ST6GALNAC1: variants seen among roughly 807,000 people sequenced by gnomAD.
ST6GALNAC1 encodes the protein alpha-N-acetylgalactosaminide alpha-2,6-sialyltransferase 1.
Under a neutral mutation model 56.8 loss-of-function variants are expected in ST6GALNAC1, and 45 were observed. That is an observed-to-expected ratio of 0.79 (90% CI 0.62 to 1.02). ST6GALNAC1 has a LOEUF of 1.02. Among genes scored for constraint, ST6GALNAC1 ranks in the 50% least tolerant of loss-of-function variants. ST6GALNAC1 has a pLI of 0.00. For synonymous variants in ST6GALNAC1, 295 were observed against 297.8 expected (o/e 0.99, Z 0.10); for missense variants, 743 against 754.8 (o/e 0.98, Z 0.18).
chr17:76,624,596 C>T (rs1394878692), downstream of ST6GALNAC1, among the ~76,000 whole-genome samples: 1 of 152,100 alleles, frequency 6.6e-6, no homozygotes, highest in African/African-American at 2.4e-5. Flanking sequence ...GAGTCCAAAT[C>T]CTGCAGATAG....
intron 1 of ST6GALNAC1, among the ~76,000 whole-genome samples, chr17:76,633,217 A>T (rs2075932002): frequency 6.6e-6 from 1 of 151,890 alleles, no homozygotes; most frequent in African/African-American, 2.4e-5. Flanking sequence ...TCAATTAAAA[A>T]ATAATAATAA....
chr17:76,639,196 C>G (rs2076014406), intron 1 of ST6GALNAC1, among the ~76,000 whole-genome samples: 2 of 152,116 alleles, frequency 1.3e-5, no homozygotes, highest in African/African-American at 4.8e-5. Context: ...TTTAAGGTGA[C>G]AAATTCATTC....
the ST6GALNAC1 span, among the ~76,000 whole-genome samples, chr17:76,618,768 G>A: frequency 7.5e-6 from 1 of 132,870 alleles, no homozygotes; most frequent in Non-Finnish European, 1.6e-5. Context: ...GCAACAGAGC[G>A]AGACTCCATA....
chr17:76,640,316 C>T (rs767771647), intron 1 of ST6GALNAC1, among the ~76,000 whole-genome samples: 2 of 152,170 alleles, frequency 1.3e-5, no homozygotes, highest in Non-Finnish European at 2.9e-5. Context: ...TACATTACAT[C>T]GTGGACAGTT....
At position 76,629,505 on chromosome 17, in the gene ST6GALNAC1, T is replaced by C; in HGVS notation, c.338A>G (p.Asp113Gly). ...CCTCTGTGCTGTGTGGGGCACCTTG[T>C]CCTGCTCCTCCGGCGGTGCCTGGTT... is the stretch of plus-strand genomic sequence containing the variant. Reference protein sequence around the residue: ...EANQAPPEEQDKVPHTAQRAA... With the variant: ...EANQAPPEEQGKVPHTAQRAA... The change falls in exon 2 of 9, where the codon GAC becomes GGC. Residue 113 changes from aspartate (D) to glycine (G), a missense_variant. Asp to Gly is a moderately conservative substitution (Grantham distance 94). Coordinates refer to ENST00000156626, the MANE Select transcript of ST6GALNAC1 (RefSeq NM_018414.5). The C allele has an allele frequency of 6.2e-7, 1 of 1,614,088 alleles. No individual in the cohort carries two copies. Among genetic ancestry groups the C allele is most frequent in the Non-Finnish European group, 8.5e-7 (1 of 1,180,012 alleles).
At position 76,627,864 on chromosome 17, in the gene ST6GALNAC1, G is replaced by T. The variant is rs184492060; in HGVS notation, c.832-281C>A. Among the ~76,000 whole-genome samples the T allele has an allele frequency of 6.6e-6, 1 of 152,058 alleles. No individual in the cohort carries two copies. The highest frequency in any genetic ancestry group is 1.5e-5 in the Non-Finnish European group (1 of 68,024). On this transcript the variant is annotated intron_variant, in intron 2 of 8. Coordinates refer to ENST00000156626, the MANE Select transcript of ST6GALNAC1 (RefSeq NM_018414.5). This position sits in a 1 kb window ranked among gnomAD's most constrained non-coding sequence, Gnocchi z 4.4. Reference sequence around the variant, plus strand: ...TGTAATCCTAGCACTTTGGGAGGCCGAGGCGGGTGGATCACAAGGTCAGGA... The same window carrying T: ...TGTAATCCTAGCACTTTGGGAGGCCTAGGCGGGTGGATCACAAGGTCAGGA...
Position 76,626,313 on chromosome 17 carries a change from AT to A in ST6GALNAC1, c.1390del (p.Met464CysfsTer36). ...LEALLMNQTVMSKNLFWFRHR... is the reference protein window; with the variant it reads ...LEALLMNQTVXSKNLFWFRHR... Reference sequence around the variant, plus strand: ...CCTGAACCAGAAAAGGTTTTTTGACATCACCGTCTGATTCATAAGCAGTGCT... The same window carrying A: ...CCTGAACCAGAAAAGGTTTTTTGACACACCGTCTGATTCATAAGCAGTGCT... On this transcript the variant is annotated frameshift_variant, in exon 6 of 9. Transcript: ENST00000156626. LOFTEE classifies it high-confidence loss of function. 3 of 1,614,168 alleles carry A rather than the reference AT, an allele frequency of 1.9e-6. No homozygotes were observed. The highest frequency in any genetic ancestry group is 2.5e-6 in the Non-Finnish European group (3 of 1,180,018).
At chr17:76,631,106 C>G (rs1427425173) in intron 1 of ST6GALNAC1, among the ~76,000 whole-genome samples, 2 of 141,224 alleles carry the variant, frequency 1.4e-5, no homozygotes, top group Admixed American at 1.4e-4. Flanking sequence ...TGCACGCGTG[C>G]GCGAGCACTT....
downstream of ST6GALNAC1, among the ~76,000 whole-genome samples, chr17:76,621,946 T>TC (rs1441666796): frequency 2.0e-5 from 3 of 149,166 alleles, no homozygotes; most frequent in Non-Finnish European, 4.5e-5. Flanking sequence ...TTCTTTTCTT[T>TC]TTTTTTTTTT....
Position 76,636,759 on chromosome 17 carries a change from T to C in ST6GALNAC1, c.131+6749A>G, listed in dbSNP as rs1260092948. On this transcript the variant is annotated intron_variant, in intron 1 of 8. Coordinates refer to ENST00000156626, the MANE Select transcript of ST6GALNAC1 (RefSeq NM_018414.5). ...GCCCCTCTGCCCGGCCGCCACCCCA[T>C]CTGGGAGGTGTACCCAACAGCTCAT... Among the ~76,000 whole-genome samples the C allele has an allele frequency of 2.6e-5, 4 of 152,092 alleles. No individual in the cohort carries two copies. The East Asian group carries it at 7.7e-4, about 29-fold the overall frequency.
chr17:76,641,079 G>A (rs2076042271), intron 1 of ST6GALNAC1, among the ~76,000 whole-genome samples: 1 of 152,150 alleles, frequency 6.6e-6, no homozygotes, highest in Non-Finnish European at 1.5e-5. Flanking sequence ...AGGTCACTAG[G>A]CAGATAAACT....
the ST6GALNAC1 span, among the ~76,000 whole-genome samples, chr17:76,619,742 T>TG: frequency 7.1e-4 from 17 of 24,092 alleles, no homozygotes; most frequent in African/African-American, 1.7e-3. Flanking sequence ...TAATGTTAGT[T>TG]TTTTTTTTTT....
intron 1 of ST6GALNAC1, among the ~76,000 whole-genome samples, chr17:76,632,465 T>G (rs1232934083): frequency 6.6e-6 from 1 of 152,148 alleles, no homozygotes; most frequent in Non-Finnish European, 1.5e-5. Flanking sequence ...GCAGCAGGAA[T>G]GGCGCAGTGA....
In ST6GALNAC1 at chr17:76,627,009, G is replaced by C. The variant is rs76896698; in HGVS notation, c.1172+58C>G. 391 of 1,502,350 alleles carry C rather than the reference G, an allele frequency of 2.6e-4. 1 individual carries two copies. The East Asian group carries it at 8.6e-3, about 33-fold the overall frequency. The allele number at this position is 1,502,350 out of a possible 1,614,324, so 93.1% of individuals were successfully genotyped here. On this transcript the variant is annotated intron_variant, in intron 4 of 8. Transcript: ENST00000156626. This position sits in a 1 kb window ranked among gnomAD's most constrained non-coding sequence, Gnocchi z 4.4. Reference sequence around the variant, plus strand: ...AAGAGGGGCAAGAGAGGGGCTGGAGGGGGGCTGGAGGGGGCAGGAGAGGGG... The same window carrying C: ...AAGAGGGGCAAGAGAGGGGCTGGAGCGGGGCTGGAGGGGGCAGGAGAGGGG...
At chr17:76,629,942 C>T (rs947560003) in intron 1 of ST6GALNAC1, among the ~76,000 whole-genome samples, 1 of 151,932 alleles carries the variant, frequency 6.6e-6, no homozygotes, top group Non-Finnish European at 1.5e-5. Flanking sequence ...GCCACCATGC[C>T]TGGCTAATTT....
downstream of ST6GALNAC1, among the ~76,000 whole-genome samples, chr17:76,622,394 C>T (rs929737110): frequency 1.3e-5 from 2 of 152,014 alleles, no homozygotes. Flanking sequence ...GAGACAGAGT[C>T]TCACCCTGTT....
Position 76,629,301 on chromosome 17 carries a change from GAC to G in ST6GALNAC1, c.540_541del (p.Ser181ArgfsTer46), listed in dbSNP as rs2075858173. On this transcript the variant is annotated frameshift_variant, in exon 2 of 9. Transcript: ENST00000156626. LOFTEE classifies it high-confidence loss of function. ...TGCCGCTTTGCCCTGGTGCTTCTCT[GAC>G]ACCGTCCTGGAGGCCGTCAGCTTCC... 6.2e-7 allele frequency: 1 copy of G among 1,614,028 alleles called. No individual in the cohort carries two copies. Among genetic ancestry groups the G allele is most frequent in the African/African-American group, 1.3e-5 (1 of 74,894 alleles).
chr17:76,625,867 G>T lies in ST6GALNAC1; in HGVS notation c.1557C>A (p.Pro519=). Residue 519 remains proline (P), a synonymous_variant, in exon 8 of 9, where the codon CCC becomes CCA. Transcript: ENST00000156626. ...LDGAHWRIYR[P]TTGALLLLTA... Reference sequence around the variant, plus strand: ...TGAGCAGCAGGAGGGCCCCAGTGGTGGGGCGGTATATCCTCCAGTGGGCAC... The same window carrying T: ...TGAGCAGCAGGAGGGCCCCAGTGGTTGGGCGGTATATCCTCCAGTGGGCAC... 4.5e-6 allele frequency: 7 copies of T among 1,549,346 alleles called. No individual in the cohort carries two copies. The highest frequency in any genetic ancestry group is 6.1e-6 in the Non-Finnish European group (7 of 1,149,982).
the ST6GALNAC1 span, among the ~76,000 whole-genome samples, chr17:76,618,816 C>T: frequency 1.4e-4 from 21 of 149,774 alleles, no homozygotes; most frequent in Admixed American, 2.7e-4. Flanking sequence ...TGGTGGTGTG[C>T]GCCTGTAGTC....
Sources: gnomAD v4.1 joint callset for allele counts (sites outside exome capture counted in the v4.1 genomes callset) on GRCh38, gnomAD v4.1.1 for gene constraint, Gnocchi (gnomAD v3.1) non-coding constraint, MANE v1.5 for transcripts, NCBI Gene and HGNC (gene_info 2026-07-23, HGNC 2026-07-21) for gene names.